Variants in SPIDR observed in about 807,000 individuals in gnomAD.
SPIDR encodes the protein scaffold protein involved in DNA repair.
Under a neutral mutation model 104.6 loss-of-function variants are expected in SPIDR, and 93 were observed. That is an observed-to-expected ratio of 0.89 (90% CI 0.75 to 1.06). The LOEUF (loss-of-function observed/expected upper bound fraction) is 1.06, where lower values mean the gene tolerates loss of function less well. Among genes scored for constraint, SPIDR ranks in the 50% least tolerant of loss-of-function variants. The pLI is 0.00. For synonymous variants in SPIDR, 431 were observed against 416.9 expected, an observed-to-expected ratio of 1.03 and a Z score of -0.41; for missense variants, 1,154 against 1,111.2, an observed-to-expected ratio of 1.04 and a Z score of -0.55.
rs1207042412 is a variant in SPIDR at position 47,664,954 on chromosome 8, C to T, written c.1545-8847C>T. On this transcript the variant is annotated intron_variant, in intron 10 of 19. Coordinates refer to ENST00000297423, the MANE Select transcript of SPIDR (RefSeq NM_001080394.4). The stretch of plus-strand genomic sequence containing the variant: ...GAAAGGGAGAAAAGAATGGAGGAAA[C>T]GAAAGAGAACCTCATAAAAATGTTG... Among the ~76,000 whole-genome samples, 11 of 150,272 alleles carry T rather than the reference C, an allele frequency of 7.3e-5. No homozygotes were observed. In the East Asian group the frequency reaches 7.8e-4, roughly 11 times the overall value.
rs181334210 is a variant in SPIDR at position 47,592,810 on chromosome 8, T to C, written c.1098-3001T>C. ...TCAAGAGGAGTAGGAAAGCCTCTTG[T>C]ATGTACCTGTATTATTTTATCTATA... On this transcript the variant is annotated intron_variant, in intron 8 of 19. Coordinates refer to ENST00000297423, the MANE Select transcript of SPIDR (RefSeq NM_001080394.4). Among the ~76,000 whole-genome samples, 3 of 152,346 alleles carry C rather than the reference T, an allele frequency of 2.0e-5. No homozygotes were observed. In the East Asian group the frequency reaches 5.8e-4, roughly 29 times the overall value.
At chr8:47,476,205 G>A (rs2076273602) in intron 8 of SPIDR, among the ~76,000 whole-genome samples, 1 of 152,284 alleles carries the variant, frequency 6.6e-6, no homozygotes, top group Non-Finnish European at 1.5e-5. Flanking sequence ...ATGGTCTGTT[G>A]TGTCTACGCT....
intron 10 of SPIDR, among the ~76,000 whole-genome samples, chr8:47,639,218 G>T (rs533852091): frequency 2.0e-5 from 3 of 152,172 alleles, no homozygotes; most frequent in African/African-American, 7.2e-5. Flanking sequence ...AATCGTCCAC[G>T]TGTGCTCCTT....
intron 15 of SPIDR, 38 bp downstream of exon 15, chr8:47,712,910 C>G: frequency 6.2e-7 from 1 of 1,611,334 alleles, no homozygotes; most frequent in South Asian, 1.1e-5. Context: ...GCAGGGGCGA[C>G]TGATCCGTGC....
At chr8:47,539,017 C>G (rs1301228410) in intron 8 of SPIDR, among the ~76,000 whole-genome samples, 1 of 151,664 alleles carries the variant, frequency 6.6e-6, no homozygotes, top group African/African-American at 2.4e-5. Context: ...CCTGCCACCA[C>G]GCCCAGCTAA....
chr8:47,286,850 G>T (rs2038938283), intron 3 of SPIDR, among the ~76,000 whole-genome samples: 1 of 152,182 alleles, frequency 6.6e-6, no homozygotes, highest in African/African-American at 2.4e-5. Context: ...AGATCATCCA[G>T]AATCTTAGTA....
intron 1 of SPIDR, among the ~76,000 whole-genome samples, chr8:47,270,180 T>G (rs958818836): frequency 6.6e-6 from 1 of 152,196 alleles, no homozygotes; most frequent in Non-Finnish European, 1.5e-5. Flanking sequence ...GTATTTCCTC[T>G]TCTGTATTTT....
chr8:47,633,557 T>TG lies in SPIDR; in HGVS notation c.1544+34362dup, dbSNP rs1318950175. Among the ~76,000 whole-genome samples, 312 of 62,784 alleles carry TG rather than the reference T, an allele frequency of 5.0e-3. 1 individual carries two copies. The East Asian group carries it at 0.059, about 12-fold the overall frequency. 41.2% of individuals were successfully genotyped at this position (62,784 alleles called of 152,430 possible). A position where few individuals can be genotyped will look rare whatever the true frequency, so the allele number is the denominator to read the frequency against. On this transcript the variant is annotated intron_variant, in intron 10 of 19. Transcript: ENST00000297423. ...TTTGAAGACTAGATATGCAAATGAT[T>TG]GAAAAAAAAAAAAAAACAAAAACCA...
chr8:47,412,518 G>A (rs1280485547), intron 7 of SPIDR, among the ~76,000 whole-genome samples: 3 of 152,152 alleles, frequency 2.0e-5, no homozygotes, highest in African/African-American at 7.2e-5. Flanking sequence ...TGCCCAAAAT[G>A]ACTTTCATTG....
At chr8:47,681,042 G>A (rs890147012) in intron 11 of SPIDR, among the ~76,000 whole-genome samples, 1 of 152,212 alleles carries the variant, frequency 6.6e-6, no homozygotes, top group Admixed American at 6.5e-5. Flanking sequence ...CAGCCTGGAC[G>A]AAAGAGCAAG....
chr8:47,488,723 G>T (rs1377159458), intron 8 of SPIDR, among the ~76,000 whole-genome samples: 1 of 152,104 alleles, frequency 6.6e-6, no homozygotes, highest in Non-Finnish European at 1.5e-5. Flanking sequence ...ATGTAATCCA[G>T]CATATAAACG....
chr8:47,265,929 C>T (rs921822376), intron 1 of SPIDR, among the ~76,000 whole-genome samples: 3 of 152,062 alleles, frequency 2.0e-5, no homozygotes, highest in Non-Finnish European at 4.4e-5. Context: ...TTTATAAGGG[C>T]ATCAATCCCG....
intron 8 of SPIDR, among the ~76,000 whole-genome samples, chr8:47,581,540 G>A (rs2059694647): frequency 6.6e-6 from 1 of 152,044 alleles, no homozygotes; most frequent in African/African-American, 2.4e-5. Context: ...TGTATAAGGC[G>A]CTCCAGCATA....
At chr8:47,609,059 A>C (rs2063319724) in intron 10 of SPIDR, among the ~76,000 whole-genome samples, 1 of 152,204 alleles carries the variant, frequency 6.6e-6, no homozygotes, top group African/African-American at 2.4e-5. Context: ...GGCCATTTGT[A>C]TATCTTCTTT....
chr8:47,730,518 G>A (rs976936723), intron 19 of SPIDR, among the ~76,000 whole-genome samples: 1 of 152,230 alleles, frequency 6.6e-6, no homozygotes, highest in African/African-American at 2.4e-5. Context: ...GGCCGATCAT[G>A]CCTGGAGCTC....
chr8:47,294,151 A>G, intron 5 of SPIDR, 121 bp downstream of exon 5: 2 of 1,278,862 alleles, frequency 1.6e-6, no homozygotes, highest in South Asian at 1.6e-5. Flanking sequence ...TTTGACTCTT[A>G]GGGGATTCTT....
intron 1 of SPIDR, among the ~76,000 whole-genome samples, chr8:47,278,956 A>G (rs2037156411): frequency 2.0e-5 from 3 of 151,334 alleles, no homozygotes; most frequent in Non-Finnish European, 4.4e-5. Context: ...TGGTGCAGTC[A>G]GCTCACTGCA....
At chr8:47,324,719 A>C (rs1326982246) in intron 5 of SPIDR, among the ~76,000 whole-genome samples, 2 of 152,210 alleles carry the variant, frequency 1.3e-5, no homozygotes, top group Admixed American at 1.3e-4. Flanking sequence ...GAAGAGGAAG[A>C]GGAAGTCTAG....
chr8:47,656,315 C>T (rs2072800944), intron 10 of SPIDR, among the ~76,000 whole-genome samples: 1 of 152,030 alleles, frequency 6.6e-6, no homozygotes, highest in Non-Finnish European at 1.5e-5. Flanking sequence ...ACTTACTACT[C>T]AACAATAAAA....
Sources: allele counts gnomAD v4.1 joint callset (sites outside exome capture counted in the v4.1 genomes callset), GRCh38; gene constraint gnomAD v4.1.1; transcripts MANE v1.5; gene names NCBI Gene and HGNC (gene_info 2026-07-23, HGNC 2026-07-21).